Variants in COTL1 observed in about 807,000 individuals in gnomAD.
COTL1 encodes the protein coactosin like F-actin binding protein 1.
A neutral mutation model predicts 16.5 loss-of-function variants in COTL1; 15 were observed. The observed-to-expected ratio is 0.91, with a 90% CI of 0.61 to 1.40. The LOEUF (loss-of-function observed/expected upper bound fraction) is 1.40, where lower values mean the gene tolerates loss of function less well. Ranked by LOEUF, COTL1 falls within the 40% of genes most tolerant of loss-of-function variation. COTL1 has a pLI of 0.00. For synonymous variants in COTL1, 112 were observed against 85.3 expected, an observed-to-expected ratio of 1.31 and a Z score of -1.73; for missense variants, 220 against 201.5, an observed-to-expected ratio of 1.09 and a Z score of -0.56.
intron 3 of COTL1, among the ~76,000 whole-genome samples, chr16:84,589,256 G>A (rs539999056): frequency 1.3e-5 from 2 of 152,326 alleles, no homozygotes; most frequent in Non-Finnish European, 2.9e-5. Context: ...ATTTACAGGC[G>A]TGAGCCACCG....
At chr16:84,575,523 C>T (rs1216948468) in intron 3 of COTL1, 1 of 151,644 alleles carries the variant, frequency 6.6e-6, no homozygotes, top group Non-Finnish European at 1.5e-5. Flanking sequence ...ACGGCCGGCT[C>T]ATTTTTGTAT....
intron 2 of COTL1, among the ~76,000 whole-genome samples, chr16:84,603,785 A>G (rs1198066356): frequency 6.6e-6 from 1 of 151,716 alleles, no homozygotes; most frequent in Non-Finnish European, 1.5e-5. Flanking sequence ...GCAGAATAAG[A>G]CCCTGCCCAG....
At chr16:84,610,030 C>T (rs1172377897) in intron 2 of COTL1, among the ~76,000 whole-genome samples, 1 of 152,216 alleles carries the variant, frequency 6.6e-6, no homozygotes, top group South Asian at 2.1e-4. Context: ...GGTAGGAACA[C>T]AAGAAGTCCA....
intron 2 of COTL1, among the ~76,000 whole-genome samples, chr16:84,600,624 T>C (rs898824906): frequency 6.6e-6 from 1 of 152,238 alleles, no homozygotes; most frequent in Admixed American, 6.5e-5. Flanking sequence ...AGGCTCTGTT[T>C]CTTTATGTGA....
At position 84,590,508 on chromosome 16, in the gene COTL1, A is replaced by T; in HGVS notation, c.161-246T>A. 2.7e-6 allele frequency: 1 copy of T among 366,394 alleles called. No individual in the cohort carries two copies. The highest frequency in any genetic ancestry group is 4.9e-6 in the Non-Finnish European group (1 of 203,142). The allele number at this position is 366,394 out of a possible 1,614,324, so 22.7% of individuals were successfully genotyped here. ...CCCATTTCACAGATGGGAAATGGAGATTCAGAGAAGTCACATGGCACTTTC... is the reference window on the plus strand; with the variant it reads ...CCCATTTCACAGATGGGAAATGGAGTTTCAGAGAAGTCACATGGCACTTTC... On this transcript the variant is annotated intron_variant, in intron 2 of 3. Transcript: ENST00000262428. The surrounding 1 kb of genome is among the most constrained non-coding windows in gnomAD (Gnocchi z 5.5).
intron 2 of COTL1, among the ~76,000 whole-genome samples, chr16:84,606,201 T>C (rs1309270164): frequency 6.6e-6 from 1 of 152,132 alleles, no homozygotes; most frequent in Admixed American, 6.5e-5. Context: ...GGCACTTGCT[T>C]AAGTGGGAGA....
chr16:84,573,379 C>CA (rs1361618495), intron 3 of COTL1, among the ~76,000 whole-genome samples: 1 of 152,236 alleles, frequency 6.6e-6, no homozygotes, highest in African/African-American at 2.4e-5. Flanking sequence ...ATCAGGCAAA[C>CA]AGAATCATGA....
At chr16:84,587,376 C>T (rs1360206893) in intron 3 of COTL1, among the ~76,000 whole-genome samples, 1 of 152,160 alleles carries the variant, frequency 6.6e-6, no homozygotes, top group Non-Finnish European at 1.5e-5. Context: ...CTCCGGAACC[C>T]CACCTCCCGA....
chr16:84,605,753 C>T (rs1027383073), intron 2 of COTL1, among the ~76,000 whole-genome samples: 1 of 152,236 alleles, frequency 6.6e-6, no homozygotes, highest in African/African-American at 2.4e-5. Context: ...CCTGTCCACA[C>T]CTGGATTTTA....
chr16:84,602,156 C>T (rs1381761568), intron 2 of COTL1, among the ~76,000 whole-genome samples: 1 of 151,740 alleles, frequency 6.6e-6, no homozygotes, highest in African/African-American at 2.4e-5. Context: ...TCTTTGACTT[C>T]TCAGAGGCTT....
chr16:84,617,529 C>G lies in COTL1; in HGVS notation c.132G>C (p.Glu44Asp), dbSNP rs764533632. 1.3e-6 allele frequency: 2 copies of G among 1,556,886 alleles called. No homozygotes were observed. The highest frequency in any genetic ancestry group is 1.7e-6 in the Non-Finnish European group (2 of 1,149,732). Residue 44 changes from glutamate to aspartate, a missense_variant, in exon 2 of 4, where the codon GAG becomes GAC. Glu to Asp is a conservative substitution (Grantham distance 45). Transcript: ENST00000262428. ...STIVPGEQGA[E>D]YQHFIQQCTD... is the part of the protein sequence containing the mutation. ...TGCACTGCTGGATGAAGTGCTGGTA[C>G]TCCGCTCCCTGCTCGCCGGGGACGA... is the stretch of plus-strand genomic sequence containing the variant.
At chr16:84,576,913 C>T (rs1904466038) in intron 3 of COTL1, 2 of 152,234 alleles carry the variant, frequency 1.3e-5, no homozygotes, top group African/African-American at 4.8e-5. Flanking sequence ...CGGGGATAGA[C>T]AAGACATGTG....
intron 2 of COTL1, among the ~76,000 whole-genome samples, chr16:84,592,042 G>C (rs1309248891): frequency 6.6e-6 from 1 of 152,058 alleles, no homozygotes; most frequent in Non-Finnish European, 1.5e-5. Context: ...AAATTGCAGG[G>C]TGCTGAGCAG....
chr16:84,602,190 G>A (rs189628923), intron 2 of COTL1, among the ~76,000 whole-genome samples: 9 of 133,006 alleles, frequency 6.8e-5, no homozygotes, highest in Non-Finnish European at 1.3e-4. Flanking sequence ...TTGCAGCTGC[G>A]TTTCAGTTCA....
At chr16:84,616,415 A>C (rs1280267349) in intron 2 of COTL1, 2 of 152,168 alleles carry the variant, frequency 1.3e-5, no homozygotes, top group African/African-American at 4.8e-5. Flanking sequence ...AGGCAGGAGA[A>C]TCTCTTGAAC....
chr16:84,612,943 CAAT>C (rs1053012177), intron 2 of COTL1, among the ~76,000 whole-genome samples: 4 of 151,766 alleles, frequency 2.6e-5, no homozygotes, highest in African/African-American at 9.7e-5. Flanking sequence ...GCCACACACA[CAAT>C]GAGTGAGAAG....
chr16:84,595,535 T>C (rs2925062), intron 2 of COTL1: 151,874 of 152,320 alleles, frequency 1, 75,716 homozygotes, highest in Middle Eastern at 1. Context: ...ATCCCTGGTT[T>C]AGTTACTTTC....
At chr16:84,571,256 G>T (rs576795247) in intron 3 of COTL1, among the ~76,000 whole-genome samples, 1 of 152,072 alleles carries the variant, frequency 6.6e-6, no homozygotes, top group African/African-American at 2.4e-5. Flanking sequence ...CCTGGGACTC[G>T]ATGCAGCCCA....
intron 2 of COTL1, among the ~76,000 whole-genome samples, chr16:84,613,027 G>C (rs1905372509): frequency 1.4e-5 from 2 of 146,762 alleles, no homozygotes; most frequent in South Asian, 4.3e-4. Context: ...TTGAGATAGA[G>C]TCTCACTCTG....
Sources: gnomAD v4.1 joint callset for allele counts (sites outside exome capture counted in the v4.1 genomes callset) on GRCh38, gnomAD v4.1.1 for gene constraint, Gnocchi (gnomAD v3.1) non-coding constraint, MANE v1.5 for transcripts, NCBI Gene and HGNC (gene_info 2026-07-23, HGNC 2026-07-21) for gene names.